RTP2: variants seen among roughly 807,000 people sequenced by gnomAD.
RTP2 encodes receptor transporter protein 2.
RTP2 carries 12 observed loss-of-function variants against 17.9 expected under a neutral mutation model. The ratio of observed to expected loss-of-function variants is 0.67; its 90% CI spans 0.43 to 1.09. RTP2 has a LOEUF of 1.09. Ranked by LOEUF, RTP2 falls within the 50% of genes least tolerant of loss-of-function variation. RTP2 has a pLI of 0.00. For synonymous variants in RTP2, 126 were observed against 117.7 expected (o/e 1.07, Z -0.46); for missense variants, 327 against 295.7 (o/e 1.11, Z -0.78).
rs199916114 is a variant in RTP2, at chr3:187,702,068, C to A, written c.61G>T (p.Ala21Ser). The change falls in exon 1 of 2, where the codon GCA (alanine) becomes TCA (serine). Residue 21 changes from alanine to serine, a missense_variant. By Grantham distance (99) the Ala-to-Ser change is moderately conservative (BLOSUM62 1). Transcript: ENST00000358241. ...AGCTCCCAGCTGTCCGCTGGCTTTG[C>A]CACCTCCATCTTCTCATAGAAGACT... 4 of 1,613,612 alleles carry A rather than the reference C, an allele frequency of 2.5e-6. No individual in the cohort carries two copies. The East Asian group carries it at 6.7e-5, about 27-fold the overall frequency.
exon 1 of RTP2, chr3:187,702,234 G>A (rs552237220): frequency 1.9e-5 from 22 of 1,147,562 alleles, no homozygotes; most frequent in South Asian, 1.0e-4. Context: ...AATCCTCATC[G>A]GCAGGACTGG....
upstream of RTP2, among the ~76,000 whole-genome samples, chr3:187,705,535 T>C (rs1056729983): frequency 2.6e-5 from 4 of 152,176 alleles, no homozygotes; most frequent in Admixed American, 1.3e-4. Context: ...AGTAGAACAT[T>C]TGTAGTTCCA....
chr3:187,701,234 G>A (rs965934391), intron 1 of RTP2, among the ~76,000 whole-genome samples: 5 of 152,294 alleles, frequency 3.3e-5, no homozygotes, highest in African/African-American at 9.6e-5. Context: ...GACTTTAGAC[G>A]GCCTCGTCCC....
chr3:187,702,648 A>T, upstream of RTP2: 1 of 453,142 alleles, frequency 2.2e-6, no homozygotes, highest in South Asian at 1.6e-5. Flanking sequence ...CCATGTGCCT[A>T]GCACAAACCG....
At chr3:187,703,012 C>T (rs1241994106), upstream of RTP2, among the ~76,000 whole-genome samples, 1 of 152,008 alleles carries the variant, frequency 6.6e-6, no homozygotes, top group Admixed American at 6.6e-5. Flanking sequence ...GTGCTGCAGG[C>T]TCCTGCTGCC....
the RTP2 span, among the ~76,000 whole-genome samples, chr3:187,714,644 C>T: frequency 6.6e-6 from 1 of 152,196 alleles, no homozygotes; most frequent in Non-Finnish European, 1.5e-5. Flanking sequence ...AAGCAGGGAC[C>T]AGTAGGAACC....
At chr3:187,705,427 C>T (rs1298431507), upstream of RTP2, among the ~76,000 whole-genome samples, 1 of 152,184 alleles carries the variant, frequency 6.6e-6, no homozygotes, top group African/African-American at 2.4e-5. Flanking sequence ...ATTGTGCTGG[C>T]TTTTAAAGCA....
In RTP2 at chr3:187,699,057, A is replaced by C. The variant is rs748870040; in HGVS notation, c.165-46T>G. The C allele has an allele frequency of 2.0e-6, 3 of 1,533,842 alleles. No individual in the cohort carries two copies. In the South Asian group the frequency reaches 3.8e-5, roughly 19 times the overall value. ...GGTGGAGAAGGTGGGCATCCCAGAG[A>C]AGCCTGCCCTGAGAAGCTCTGAGAG... On this transcript the variant is annotated intron_variant, in intron 1 of 1. Coordinates refer to ENST00000358241, the Ensembl canonical transcript of RTP2.
At chr3:187,702,508 C>T (rs775996546) in exon 1 of RTP2, 87 of 464,624 alleles carry the variant, frequency 1.9e-4, no homozygotes, top group Non-Finnish European at 3.1e-4. Context: ...CACCCAACTG[C>T]TCTTCTAGCA....
chr3:187,698,783 C>T (rs760295426), exon 2 of RTP2: 86 of 1,613,784 alleles, frequency 5.3e-5, no homozygotes, highest in Non-Finnish European at 7.2e-5. Context: ...CACCATCCTC[C>T]TCGTAGCACT....
chr3:187,699,854 C>G (rs1427863396), intron 1 of RTP2, among the ~76,000 whole-genome samples: 1 of 152,056 alleles, frequency 6.6e-6, no homozygotes, highest in Admixed American at 6.5e-5. Flanking sequence ...GAGTCCCAGT[C>G]TCAGGAAGTG....
chr3:187,710,663 CAT>C, the RTP2 span, among the ~76,000 whole-genome samples: 4 of 151,872 alleles, frequency 2.6e-5, no homozygotes, highest in African/African-American at 9.7e-5. Context: ...ACACACCCCA[CAT>C]ATAGTACTTA....
chr3:187,714,465 A>G, the RTP2 span, among the ~76,000 whole-genome samples: 1 of 152,242 alleles, frequency 6.6e-6, no homozygotes, highest in Non-Finnish European at 1.5e-5. Flanking sequence ...TTAGAAAGAG[A>G]ATAGGTACAA....
At chr3:187,701,412 C>A (rs561286925) in intron 1 of RTP2, among the ~76,000 whole-genome samples, 50 of 152,224 alleles carry the variant, frequency 3.3e-4, no homozygotes, top group Admixed American at 6.5e-4. Flanking sequence ...TAAGACCAAC[C>A]CCCTCATTTT....
the RTP2 span, among the ~76,000 whole-genome samples, chr3:187,712,341 A>T: frequency 6.6e-6 from 1 of 152,082 alleles, no homozygotes; most frequent in Non-Finnish European, 1.5e-5. Context: ...AATTTAAAAA[A>T]CTTTTAAATG....
intron 1 of RTP2, among the ~76,000 whole-genome samples, chr3:187,701,706 A>G (rs920458891): frequency 6.6e-6 from 1 of 152,198 alleles, no homozygotes; most frequent in African/African-American, 2.4e-5. Context: ...GACATAGATG[A>G]TATTACAGCT....
At chr3:187,704,316 G>A (rs1717936034), upstream of RTP2, among the ~76,000 whole-genome samples, 1 of 152,168 alleles carries the variant, frequency 6.6e-6, no homozygotes, top group Non-Finnish European at 1.5e-5. Context: ...TTAGAGTAAT[G>A]TAAGAAATGC....
At chr3:187,698,529 T>C (rs769452529) in exon 2 of RTP2, 2 of 1,613,096 alleles carry the variant, frequency 1.2e-6, no homozygotes, top group Non-Finnish European at 1.7e-6. Flanking sequence ...GAAGGAGAAC[T>C]GCAGGTAAAC....
chr3:187,707,549 C>A (rs565134763), upstream of RTP2, among the ~76,000 whole-genome samples: 3 of 152,272 alleles, frequency 2.0e-5, no homozygotes, highest in East Asian at 5.8e-4. Flanking sequence ...GACATAGAAT[C>A]ATTCTTGAGA....
Sources: gnomAD v4.1 joint callset for allele counts (sites outside exome capture counted in the v4.1 genomes callset) on GRCh38, gnomAD v4.1.1 for gene constraint, MANE v1.5 for transcripts, NCBI Gene and HGNC (gene_info 2026-07-23, HGNC 2026-07-21) for gene names.